The following ADPRS variants were observed in gnomAD, a reference collection of about 807,000 sequenced individuals.
The protein encoded by ADPRS is ADP-ribosylserine hydrolase, also known as ADP-ribosylhydrolase ARH3.
In ADPRS, 25 loss-of-function variants were observed where a neutral mutation model predicts 32.1. The observed-to-expected ratio is 0.78, with a 90% CI of 0.57 to 1.09. The LOEUF is 1.09. Among genes scored for constraint, ADPRS ranks in the 50% least tolerant of loss-of-function variants. ADPRS has a pLI of 0.00. For synonymous variants in ADPRS, 225 were observed against 201.0 expected (o/e 1.12, Z -1.01); for missense variants, 482 against 480.6 (o/e 1.00, Z -0.03).
intron 1 of ADPRS, among the ~76,000 whole-genome samples, chr1:36,090,076 C>T (rs1365718755): frequency 2.0e-5 from 3 of 152,084 alleles, no homozygotes; most frequent in African/African-American, 7.2e-5. Context: ...ATCAACGAAA[C>T]CTAGGAAAAG....
Position 36,088,910 on chromosome 1 carries a change from CGCAGCGGCGATGGCG to C in ADPRS, c.15_29del (p.Met6_Ala10del). ...GGCGAGCAGTCTGCGCGCGGATGGC[CGCAGCGGCGATGGCG>C]GCAGCGGCAGGTGGAGGGGCTGGCG... On this transcript the variant is annotated inframe_deletion, in exon 1 of 6. Transcript: ENST00000373178. The C allele has an allele frequency of 1.3e-6, 2 of 1,525,046 alleles. No homozygotes were observed. Among genetic ancestry groups the C allele is most frequent in the African/African-American group, 1.4e-5 (1 of 70,530 alleles). The allele number at this position is 1,525,046 out of a possible 1,614,324, so 94.5% of individuals were successfully genotyped here.
Position 36,092,021 on chromosome 1 carries a change from C to T in ADPRS, c.628C>T (p.His210Tyr). The change falls in exon 4 of 6, where the codon CAC (histidine) becomes TAC (tyrosine). Residue 210 changes from histidine to tyrosine, a missense_variant. Coordinates refer to ENST00000373178, the MANE Select transcript of ADPRS (RefSeq NM_017825.3). ...LALQGESSSE[H>Y]FLKQLLGHME... ...CTTGCAGGGCGAGTCTTCCAGCGAG[C>T]ACTTTCTCAAGCAACTCCTGGGCCA... is the stretch of plus-strand genomic sequence containing the variant. The T allele has an allele frequency of 1.2e-6, 2 of 1,614,096 alleles. No homozygotes were observed. Among genetic ancestry groups the T allele is most frequent in the South Asian group, 1.1e-5 (1 of 91,042 alleles).
intron 1 of ADPRS, 73 bp from the exon 2 acceptor site, chr1:36,091,171 A>C (rs1643475124): frequency 7.3e-7 from 1 of 1,373,098 alleles, no homozygotes; most frequent in Admixed American, 1.9e-5. Context: ...TCTGTCTCCA[A>C]AAAAAGCAAA....
chr1:36,089,110 G>C lies in ADPRS; in HGVS notation c.206G>C (p.Arg69Pro). 1.4e-6 allele frequency: 2 copies of C among 1,417,670 alleles called. No homozygotes were observed. The highest frequency in any genetic ancestry group is 1.8e-6 in the Non-Finnish European group (2 of 1,087,394). 87.8% of individuals were successfully genotyped at this position (1,417,670 alleles called of 1,614,324 possible). A position where few individuals can be genotyped will look rare whatever the true frequency, so the allele number is the denominator to read the frequency against. ...GACCCCGGCACGCCCGGGAGTGAGC[G>C]GACAGGTGGGCGGGGCCGGGCGCAA... Reference protein sequence around the residue: ...EPDPGTPGSERTEALYYTDDT... With the variant: ...EPDPGTPGSEPTEALYYTDDT... Residue 69 changes from arginine to proline, a missense_variant, in exon 1 of 6, where the codon CGG (arginine) becomes CCG (proline). Arg to Pro is a moderately radical substitution (Grantham distance 103, BLOSUM62 -2). Transcript: ENST00000373178.
chr1:36,092,543 TTG>T, intron 5 of ADPRS, 21 bp downstream of exon 5: 2 of 1,610,494 alleles, frequency 1.2e-6, no homozygotes, highest in Non-Finnish European at 1.7e-6. Context: ...CTGCCTGGGA[TTG>T]TCTCTCCCTC....
chr1:36,092,030 A>C lies in ADPRS; in HGVS notation c.637A>C (p.Lys213Gln). 6.2e-7 allele frequency: 1 copy of C among 1,613,862 alleles called. No homozygotes were observed. ...QGESSSEHFL[K>Q]QLLGHMEDLE... ...CGAGTCTTCCAGCGAGCACTTTCTC[A>C]AGCAACTCCTGGGCCACATGGAGGA... Residue 213 changes from lysine to glutamine, a missense_variant, in exon 4 of 6, where the codon AAG becomes CAG. Lys to Gln is a moderately conservative substitution (Grantham distance 53, BLOSUM62 1). Transcript: ENST00000373178.
chr1:36,089,206 G>C (rs918110783), intron 1 of ADPRS, 91 bp downstream of exon 1: 1 of 1,331,026 alleles, frequency 7.5e-7, no homozygotes, highest in African/African-American at 1.6e-5. Context: ...GGGGTGCGCG[G>C]GGATGAGGCT....
Position 36,092,438 on chromosome 1 carries a change from C to T in ADPRS, c.718C>T (p.Arg240Cys), listed in dbSNP as rs201025691. 32 of 1,614,128 alleles carry T rather than the reference C, an allele frequency of 2.0e-5. No individual in the cohort carries two copies. Among genetic ancestry groups the T allele is most frequent in the East Asian group, 1.8e-4 (8 of 44,884 alleles). Residue 240 changes from arginine to cysteine, a missense_variant, in exon 5 of 6, where the codon CGT becomes TGT. Physicochemically the swap from Arg to Cys is radical, Grantham distance 180. Coordinates refer to ENST00000373178, the MANE Select transcript of ADPRS (RefSeq NM_017825.3). ...LDARELGMEE[R>C]PYSSRLKKIG... Reference sequence around the variant, plus strand: ...AAACCACAGGTTGGGCATGGAGGAGCGTCCATACTCCAGCCGCCTGAAGAA... The same window carrying T: ...AAACCACAGGTTGGGCATGGAGGAGTGTCCATACTCCAGCCGCCTGAAGAA...
In ADPRS at chr1:36,088,901, G is replaced by C; in HGVS notation, c.-4G>C. On this transcript the variant is annotated 5_prime_UTR_variant, in exon 1 of 6. Transcript: ENST00000373178. ...ACCGGAAGTGGCGAGCAGTCTGCGC[G>C]CGGATGGCCGCAGCGGCGATGGCGG... 1 of 1,526,288 alleles carries C rather than the reference G, an allele frequency of 6.6e-7. No individual in the cohort carries two copies. Among genetic ancestry groups the C allele is most frequent in the African/African-American group, 1.4e-5 (1 of 70,988 alleles). The allele number at this position is 1,526,288 out of a possible 1,614,324, so 94.5% of individuals were successfully genotyped here. A position where few individuals can be genotyped will look rare whatever the true frequency, so the allele number is the denominator to read the frequency against.
chr1:36,089,840 C>G (rs1195871356), intron 1 of ADPRS, among the ~76,000 whole-genome samples: 1 of 152,178 alleles, frequency 6.6e-6, no homozygotes, highest in East Asian at 1.9e-4. Flanking sequence ...CATGCGCTGT[C>G]TCGCCTGTAA....
intron 2 of ADPRS, 32 bp downstream of exon 2, chr1:36,091,372 C>CA (rs1643481166): frequency 6.2e-7 from 1 of 1,601,752 alleles, no homozygotes; most frequent in African/African-American, 1.3e-5. Flanking sequence ...TGAGGCAAAC[C>CA]AGGTGGGAAA....
In ADPRS at chr1:36,092,990, G is replaced by A. The variant is rs1054819237; in HGVS notation, c.803-107G>A. On this transcript the variant is annotated intron_variant, in intron 5 of 5. Coordinates refer to ENST00000373178, the MANE Select transcript of ADPRS (RefSeq NM_017825.3). ...TGAGCCCAGGTGGTCTAACTGTAGAGCCTGAGATCTTAGTCACAGCCTGCT... is the reference window on the plus strand; with the variant it reads ...TGAGCCCAGGTGGTCTAACTGTAGAACCTGAGATCTTAGTCACAGCCTGCT... The A allele has an allele frequency of 2.1e-5, 26 of 1,227,706 alleles. No individual in the cohort carries two copies. In the African/African-American group the frequency reaches 2.7e-4, roughly 13 times the overall value. 76.1% of individuals were successfully genotyped at this position (1,227,706 alleles called of 1,614,324 possible).
Position 36,088,966 on chromosome 1 carries a change from C to T in ADPRS, c.62C>T (p.Ser21Leu). 1.3e-6 allele frequency: 2 copies of T among 1,500,292 alleles called. No homozygotes were observed. Among genetic ancestry groups the T allele is most frequent in the Admixed American group, 2.3e-5 (1 of 43,320 alleles). 92.9% of individuals were successfully genotyped at this position (1,500,292 alleles called of 1,614,324 possible). A position where few individuals can be genotyped will look rare whatever the true frequency, so the allele number is the denominator to read the frequency against. The change falls in exon 1 of 6, where the codon TCG becomes TTG. Residue 21 changes from serine (S) to leucine (L), a missense_variant. Transcript: ENST00000373178. ...GGGAGAARSL[S>L]RFRGCLAGAL... is the part of the protein sequence containing the mutation. Reference sequence around the variant, plus strand: ...GGGGCTGGCGCGGCCCGCTCCCTCTCGCGCTTCCGAGGCTGCCTGGCTGGC... The same window carrying T: ...GGGGCTGGCGCGGCCCGCTCCCTCTTGCGCTTCCGAGGCTGCCTGGCTGGC...
In ADPRS at chr1:36,093,804, C is replaced by T; in HGVS notation, c.*418C>T. ...GCATCCTAGCAGGGTCCCCGAGCAG[C>T]AGGTTGTGTGGATGAAGGGACAGGC... is the stretch of plus-strand genomic sequence containing the variant. On this transcript the variant is annotated 3_prime_UTR_variant, in exon 6 of 6. Coordinates refer to ENST00000373178, the MANE Select transcript of ADPRS (RefSeq NM_017825.3). The T allele has an allele frequency of 5.8e-6, 1 of 172,568 alleles. No homozygotes were observed. The highest frequency in any genetic ancestry group is 1.5e-4 in the South Asian group (1 of 6,672). The allele number at this position is 172,568 out of a possible 1,614,324, so 10.7% of individuals were successfully genotyped here. A position where few individuals can be genotyped will look rare whatever the true frequency, so the allele number is the denominator to read the frequency against.
chr1:36,093,483 T>C lies in ADPRS; in HGVS notation c.*97T>C. The C allele has an allele frequency of 2.0e-6, 3 of 1,486,100 alleles. No homozygotes were observed. The highest frequency in any genetic ancestry group is 1.4e-5 in the African/African-American group (1 of 71,486). The allele number at this position is 1,486,100 out of a possible 1,614,324, so 92.1% of individuals were successfully genotyped here. On this transcript the variant is annotated 3_prime_UTR_variant, in exon 6 of 6. Transcript: ENST00000373178. ...CTTCCTTGAGTGTGGCTTCCCACTT[T>C]TCCTGCATTGTGGAGCTGACTGAGT... is the stretch of plus-strand genomic sequence containing the variant.
rs892416917 is a variant in ADPRS at position 36,093,894 on chromosome 1, C to G, written c.*508C>G. ...CTGCCATGTGGCTTATTAACAGCTT[C>G]CAGTGGAAGTCGCAATAAACAGTTT... On this transcript the variant is annotated 3_prime_UTR_variant, in exon 6 of 6. Transcript: ENST00000373178. 1 of 159,120 alleles carries G rather than the reference C, an allele frequency of 6.3e-6. No individual in the cohort carries two copies. 9.9% of individuals were successfully genotyped at this position (159,120 alleles called of 1,614,324 possible).
Position 36,092,455 on chromosome 1 carries a change from C to A in ADPRS, c.735C>A (p.Arg245=), listed in dbSNP as rs772795321. The A allele has an allele frequency of 6.2e-7, 1 of 1,614,140 alleles. No individual in the cohort carries two copies. Among genetic ancestry groups the A allele is most frequent in the East Asian group, 2.2e-5 (1 of 44,876 alleles). ...LGMEERPYSS[R]LKKIGELLDQ... The stretch of plus-strand genomic sequence containing the variant: ...TGGAGGAGCGTCCATACTCCAGCCG[C>A]CTGAAGAAGATTGGAGAGCTTCTAG... The change falls in exon 5 of 6, where the codon CGC becomes CGA. Residue 245 remains arginine (R), a synonymous_variant. Transcript: ENST00000373178.
chr1:36,092,011 T>C lies in ADPRS; in HGVS notation c.618T>C (p.Ser206=), dbSNP rs756811537. The stretch of plus-strand genomic sequence containing the variant: ...TGCACCTGGCCTTGCAGGGCGAGTC[T>C]TCCAGCGAGCACTTTCTCAAGCAAC... ...LAVHLALQGE[S]SSEHFLKQLL... The change falls in exon 4 of 6, where the codon TCT becomes TCC. Residue 206 remains serine, a synonymous_variant. Coordinates refer to ENST00000373178, the MANE Select transcript of ADPRS (RefSeq NM_017825.3). 5 of 1,613,932 alleles carry C rather than the reference T, an allele frequency of 3.1e-6. No homozygotes were observed. Among genetic ancestry groups the C allele is most frequent in the African/African-American group, 2.7e-5 (2 of 74,918 alleles).
chr1:36,090,216 A>G (rs3767704), intron 1 of ADPRS, among the ~76,000 whole-genome samples: 16,930 of 152,068 alleles, frequency 0.11, 2,096 homozygotes, highest in East Asian at 0.28. Context: ...CAGCTACTCC[A>G]GAGACTGAGG....
Sources: allele counts gnomAD v4.1 joint callset (sites outside exome capture counted in the v4.1 genomes callset), GRCh38; gene constraint gnomAD v4.1.1; transcripts MANE v1.5; gene names NCBI Gene and HGNC (gene_info 2026-07-23, HGNC 2026-07-21).